PTK2: variants seen among roughly 807,000 people sequenced by gnomAD.
PTK2 encodes focal adhesion kinase 1.
In PTK2, 45 loss-of-function variants were observed where a neutral mutation model predicts 150.1. That is an observed-to-expected ratio of 0.30 (90% confidence interval 0.24 to 0.38). The LOEUF (loss-of-function observed/expected upper bound fraction) is 0.38, where lower values mean the gene tolerates loss of function less well. Ranked by LOEUF, PTK2 falls within the 10% of genes least tolerant of loss-of-function variation. The pLI is 1.00. For synonymous variants in PTK2, 432 were observed against 449.2 expected (o/e 0.96, Z 0.48); for missense variants, 919 against 1,307.3 (o/e 0.70, Z 4.58).
At chr8:140,746,891 TC>T (rs375264803) in intron 17 of PTK2, 31 bp from the exon 21 acceptor site, 106 of 1,358,276 alleles carry the variant, frequency 7.8e-5, no homozygotes, top group Admixed American at 3.6e-4. Context: ...AGTTATTCTT[TC>T]TTTTTTTTTT....
chr8:140,761,220 C>T (rs200186976), exon 16 of PTK2: 93 of 1,613,014 alleles, frequency 5.8e-5, no homozygotes, highest in South Asian at 2.2e-5. Flanking sequence ...TCCAATACAT[C>T]GTCCAAGTTC....
Position 140,893,272 on chromosome 8 carries a change from T to C in PTK2, c.-32-2503A>G, listed in dbSNP as rs118079767. Among the ~76,000 whole-genome samples, 499 of 152,212 alleles carry C rather than the reference T, an allele frequency of 3.3e-3. 2 individuals are homozygous for C. Among genetic ancestry groups the C allele is most frequent in the Non-Finnish European group, 5.8e-3 (396 of 68,016 alleles). On this transcript the variant is annotated intron_variant, in intron 2 of 31. Transcript: ENST00000522684. ...GGCTGCAGTAGCTGTGATCATGCCATTGTACTCCAGCTTGGGCGACAGAAA... is the reference window on the plus strand; with the variant it reads ...GGCTGCAGTAGCTGTGATCATGCCACTGTACTCCAGCTTGGGCGACAGAAA...
intron 23 of PTK2, among the ~76,000 whole-genome samples, chr8:140,714,445 C>T (rs937180112): frequency 2.0e-5 from 3 of 150,028 alleles, no homozygotes; most frequent in South Asian, 4.2e-4. Flanking sequence ...AGTAAGACCC[C>T]ATCTTTATTT....
intron 11 of PTK2, among the ~76,000 whole-genome samples, chr8:140,802,897 C>T (rs1380071085): frequency 6.9e-6 from 1 of 144,270 alleles, no homozygotes; most frequent in Non-Finnish European, 1.5e-5. Context: ...GTTTGCACAA[C>T]AAAGAAATCA....
At chr8:140,938,476 G>A (rs2100174481) in intron 1 of PTK2, among the ~76,000 whole-genome samples, 3 of 152,142 alleles carry the variant, frequency 2.0e-5, no homozygotes, top group African/African-American at 7.2e-5. Flanking sequence ...TCTGTCACAA[G>A]GATTGTCGCA....
In PTK2 at chr8:140,700,877, A is replaced by C. The variant is rs780023023; in HGVS notation, c.2499+14T>G. ...GCTTAAAAAGTCAAAGAAGCCTTTC[A>C]GAAACACAATTACCAGAAATCTTTC... is the stretch of plus-strand genomic sequence containing the variant. On this transcript the variant is annotated intron_variant, in intron 26 of 31. Coordinates refer to ENST00000522684, the Ensembl canonical transcript of PTK2. The C allele has an allele frequency of 6.2e-7, 1 of 1,613,424 alleles. No individual in the cohort carries two copies. Among genetic ancestry groups the C allele is most frequent in the Non-Finnish European group, 8.5e-7 (1 of 1,179,622 alleles).
intron 14 of PTK2, among the ~76,000 whole-genome samples, chr8:140,769,259 C>T (rs2100074207): frequency 6.6e-6 from 1 of 152,096 alleles, no homozygotes; most frequent in South Asian, 2.1e-4. Context: ...TGGACCGCTA[C>T]CATTTACAGC....
chr8:140,676,398 A>G (rs2100013693), intron 27 of PTK2, among the ~76,000 whole-genome samples: 1 of 52,666 alleles, frequency 1.9e-5, no homozygotes, highest in Non-Finnish European at 3.8e-5. Context: ...TAATTAATTA[A>G]TTAATTAATT....
chr8:140,827,428 A>G (rs888191457), intron 8 of PTK2, among the ~76,000 whole-genome samples: 1 of 152,046 alleles, frequency 6.6e-6, no homozygotes, highest in African/African-American at 2.4e-5. Flanking sequence ...AGATGGCAGG[A>G]AAAAAAGCAC....
intron 31 of PTK2, chr8:140,662,800 A>G: frequency 1.9e-6 from 1 of 524,544 alleles, no homozygotes; most frequent in African/African-American, 1.9e-5. Context: ...CTGGAGATGC[A>G]AAATCTCAAT....
intron 27 of PTK2, among the ~76,000 whole-genome samples, chr8:140,681,720 T>TGAGCCGAGATC (rs1222568207): frequency 1.3e-4 from 20 of 152,064 alleles, no homozygotes; most frequent in African/African-American, 4.6e-4. Context: ...GAGCTTGCCG[T>TGAGCCGAGATC]GAGCCGAGAT....
At chr8:140,977,291 G>T (rs932744599) in intron 1 of PTK2, among the ~76,000 whole-genome samples, 1 of 152,112 alleles carries the variant, frequency 6.6e-6, no homozygotes, top group African/African-American at 2.4e-5. Flanking sequence ...AACTCAGAAG[G>T]CTGAAGCAGG....
intron 1 of PTK2, among the ~76,000 whole-genome samples, chr8:140,995,392 A>C (rs1357996977): frequency 6.6e-6 from 1 of 151,522 alleles, no homozygotes; most frequent in Non-Finnish European, 1.5e-5. Flanking sequence ...AAAAAAAAAA[A>C]AAAAAAAGAA....
intron 2 of PTK2, among the ~76,000 whole-genome samples, chr8:140,902,160 G>T (rs1052280084): frequency 6.6e-6 from 1 of 151,742 alleles, no homozygotes; most frequent in Non-Finnish European, 1.5e-5. Context: ...CAGCCTCCTG[G>T]GTAGCTGGGA....
intron 22 of PTK2, among the ~76,000 whole-genome samples, chr8:140,730,696 A>G (rs2100048654): frequency 6.6e-6 from 1 of 152,182 alleles, no homozygotes; most frequent in Non-Finnish European, 1.5e-5. Context: ...TAAAGTGATA[A>G]TTGTGTTTAC....
chr8:140,891,329 C>T (rs944402683), intron 2 of PTK2, among the ~76,000 whole-genome samples: 6 of 151,884 alleles, frequency 4.0e-5, no homozygotes, highest in Non-Finnish European at 8.8e-5. Flanking sequence ...AAAAAGCATG[C>T]ACAATTAAAA....
At chr8:140,841,984 G>C (rs2100122629) in intron 7 of PTK2, among the ~76,000 whole-genome samples, 2 of 151,970 alleles carry the variant, frequency 1.3e-5, no homozygotes, top group Non-Finnish European at 2.9e-5. Context: ...TATACTCATT[G>C]GGTGGACTAG....
intron 2 of PTK2, chr8:140,892,538 C>A: frequency 2.4e-6 from 1 of 412,122 alleles, no homozygotes; most frequent in Non-Finnish European, 4.7e-6. Context: ...CCTGTCAACT[C>A]CCCACTATCT....
intron 24 of PTK2, among the ~76,000 whole-genome samples, chr8:140,705,115 G>A (rs751562441): frequency 6.6e-6 from 1 of 152,046 alleles, no homozygotes; most frequent in African/African-American, 2.4e-5. Context: ...AGAATCTGGC[G>A]GCTAGATAAA....
Sources: allele counts gnomAD v4.1 joint callset (sites outside exome capture counted in the v4.1 genomes callset), GRCh38; gene constraint gnomAD v4.1.1; transcripts MANE v1.5; gene names NCBI Gene and HGNC (gene_info 2026-07-23, HGNC 2026-07-21).